Variants in MCTP2 observed in about 807,000 individuals in gnomAD.
MCTP2 encodes multiple C2 and transmembrane domain containing 2, also known as multiple C2 and transmembrane domain-containing protein 2.
A neutral mutation model predicts 111.6 loss-of-function variants in MCTP2; 132 were observed. The observed-to-expected ratio is 1.18, with a 90% CI of 1.03 to 1.37. The LOEUF is 1.37. Ranked by LOEUF, MCTP2 falls within the 40% of genes most tolerant of loss-of-function variation. The pLI, the probability that MCTP2 is intolerant of heterozygous loss-of-function variation, is 0.00. For synonymous variants in MCTP2, 395 were observed against 387.7 expected (o/e 1.02, Z -0.22); for missense variants, 1,183 against 1,067.9 (o/e 1.11, Z -1.50).
rs3784637 is a variant in MCTP2, at chr15:94,476,158, G to C, written c.2471-538G>C. Among the ~76,000 whole-genome samples the C allele has an allele frequency of 4.0e-4, 61 of 152,116 alleles. No individual in the cohort carries two copies. In the East Asian group the frequency reaches 0.01, roughly 26 times the overall value. On this transcript the variant is annotated intron_variant, in intron 21 of 22. Coordinates refer to ENST00000357742, the MANE Select transcript of MCTP2 (RefSeq NM_001385001.1). ...GAGGTGGGGAAAGACAGATGACTGCGGTTTTCTTTGTAACAACAAGAAAAC... is the reference window on the plus strand; with the variant it reads ...GAGGTGGGGAAAGACAGATGACTGCCGTTTTCTTTGTAACAACAAGAAAAC...
chr15:94,320,726 G>A (rs1341795441), intron 4 of MCTP2, among the ~76,000 whole-genome samples: 1 of 152,186 alleles, frequency 6.6e-6, no homozygotes, highest in Non-Finnish European at 1.5e-5. Flanking sequence ...GGATTTATAT[G>A]ATTTCAGAGA....
intron 4 of MCTP2, among the ~76,000 whole-genome samples, chr15:94,320,649 G>A (rs900157786): frequency 1.2e-4 from 18 of 152,280 alleles, no homozygotes; most frequent in African/African-American, 4.3e-4. Flanking sequence ...CATGTCTTGG[G>A]TTTCCTCAGT....
At chr15:94,369,332 T>C (rs903145884) in intron 11 of MCTP2, among the ~76,000 whole-genome samples, 1 of 152,220 alleles carries the variant, frequency 6.6e-6, no homozygotes, top group Non-Finnish European at 1.5e-5. Flanking sequence ...AGAAATAGCA[T>C]GTCCAGAGGT....
chr15:94,293,891 A>AT (rs2152328740), intron 1 of MCTP2, among the ~76,000 whole-genome samples: 1 of 152,356 alleles, frequency 6.6e-6, no homozygotes, highest in South Asian at 2.1e-4. Flanking sequence ...GAGAACATAT[A>AT]TTCGTACACA....
At chr15:94,264,890 C>G (rs563777768) in intron 1 of MCTP2, among the ~76,000 whole-genome samples, 1 of 152,158 alleles carries the variant, frequency 6.6e-6, no homozygotes, top group South Asian at 2.1e-4. Context: ...GATATAAACT[C>G]TCAATTTGGT....
At chr15:94,394,236 A>G (rs2081161292) in intron 14 of MCTP2, among the ~76,000 whole-genome samples, 1 of 151,858 alleles carries the variant, frequency 6.6e-6, no homozygotes. Flanking sequence ...AACTTATCTT[A>G]TCTGTCTGCA....
intron 7 of MCTP2, chr15:94,342,757 T>C (rs2152406870): frequency 6.6e-6 from 1 of 151,118 alleles, no homozygotes; most frequent in South Asian, 2.1e-4. Flanking sequence ...CACACACATA[T>C]ATATCTCCAT....
intron 21 of MCTP2, among the ~76,000 whole-genome samples, chr15:94,471,564 G>A (rs1306174718): frequency 7.9e-5 from 12 of 152,146 alleles, no homozygotes; most frequent in Admixed American, 6.5e-4. Flanking sequence ...GATTTTGAGA[G>A]AGTATAATCC....
chr15:94,420,947 A>G (rs1329645871), intron 17 of MCTP2, among the ~76,000 whole-genome samples: 1 of 152,156 alleles, frequency 6.6e-6, no homozygotes, highest in African/African-American at 2.4e-5. Context: ...GATGTGATAG[A>G]CTTCATTGCT....
chr15:94,326,001 G>A (rs2076855125), intron 4 of MCTP2, among the ~76,000 whole-genome samples: 1 of 151,646 alleles, frequency 6.6e-6, no homozygotes, highest in Non-Finnish European at 1.5e-5. Flanking sequence ...TGTATTTTTA[G>A]TAGTGATGGG....
At chr15:94,311,841 A>G (rs1205620413) in intron 2 of MCTP2, among the ~76,000 whole-genome samples, 2 of 152,164 alleles carry the variant, frequency 1.3e-5, no homozygotes, top group African/African-American at 4.8e-5. Context: ...TAATTTTGTC[A>G]TTTAATTAAC....
intron 14 of MCTP2, among the ~76,000 whole-genome samples, chr15:94,390,734 T>C (rs1596557148): frequency 6.9e-6 from 1 of 145,226 alleles, no homozygotes; most frequent in Admixed American, 6.8e-5. Context: ...TCTTTTTTTT[T>C]TTTTTTTTTT....
intron 17 of MCTP2, among the ~76,000 whole-genome samples, chr15:94,420,844 C>T (rs114768220): frequency 2.2e-3 from 329 of 152,226 alleles, no homozygotes; most frequent in African/African-American, 7.7e-3. Flanking sequence ...AAAATGTTGA[C>T]CCCAATTTTG....
intron 8 of MCTP2, among the ~76,000 whole-genome samples, chr15:94,347,710 C>A (rs898250817): frequency 1.3e-5 from 2 of 152,106 alleles, no homozygotes; most frequent in Non-Finnish European, 2.9e-5. Context: ...TGTTTCCAAG[C>A]CTTATTTCCC....
chr15:94,374,475 A>G (rs112369858), intron 12 of MCTP2, among the ~76,000 whole-genome samples: 3 of 152,182 alleles, frequency 2.0e-5, no homozygotes, highest in African/African-American at 7.2e-5. Flanking sequence ...TTAATTCAGC[A>G]CTAGGAATTG....
chr15:94,402,478 T>C (rs1349123605), intron 17 of MCTP2: 2 of 1,551,746 alleles, frequency 1.3e-6, no homozygotes. Flanking sequence ...CATTGCAATT[T>C]CATTCAGCAC....
intron 14 of MCTP2, among the ~76,000 whole-genome samples, chr15:94,386,395 A>C (rs923804221): frequency 4.6e-5 from 7 of 152,230 alleles, no homozygotes; most frequent in African/African-American, 1.7e-4. Context: ...TCCGTAATTT[A>C]ACCATGAGAT....
intron 1 of MCTP2, among the ~76,000 whole-genome samples, chr15:94,245,221 T>TGTACGTATGTGTATGTAC (rs2071743344): frequency 8.3e-6 from 1 of 120,746 alleles, no homozygotes; most frequent in Non-Finnish European, 1.9e-5. Flanking sequence ...CATATGTGTA[T>TGTACGTATGTGTATGTAC]ATATACATAT....
At chr15:94,311,475 C>T (rs1351982382) in intron 2 of MCTP2, among the ~76,000 whole-genome samples, 1 of 152,182 alleles carries the variant, frequency 6.6e-6, no homozygotes, top group Non-Finnish European at 1.5e-5. Flanking sequence ...GCAACTTCTA[C>T]TCAACGAATA....
Sources: allele counts gnomAD v4.1 joint callset (sites outside exome capture counted in the v4.1 genomes callset), GRCh38; gene constraint gnomAD v4.1.1; transcripts MANE v1.5; gene names NCBI Gene and HGNC (gene_info 2026-07-23, HGNC 2026-07-21).